The following KDM4C variants were observed in gnomAD, a reference collection of about 807,000 sequenced individuals.
KDM4C encodes lysine demethylase 4C.
KDM4C carries 81 observed loss-of-function variants against 129.3 expected under a neutral mutation model. That is an observed-to-expected ratio of 0.63 (90% CI 0.52 to 0.75). The LOEUF is 0.75. Ranked by LOEUF, KDM4C falls within the 30% of genes least tolerant of loss-of-function variation. KDM4C has a pLI of 0.00. For missense variants in KDM4C, 1,457 were observed against 1,304.0 expected, an observed-to-expected ratio of 1.12 and a Z score of -1.81; for synonymous variants, 573 against 456.1, an observed-to-expected ratio of 1.26 and a Z score of -3.26.
chr9:7,105,547 A>C, intron 18 of KDM4C: 1 of 461,764 alleles, frequency 2.2e-6, no homozygotes, highest in Non-Finnish European at 4.5e-6. Context: ...CTAAGTTCAG[A>C]GAGGTTTAAT....
intron 8 of KDM4C, among the ~76,000 whole-genome samples, chr9:6,938,605 C>T (rs1825248643): frequency 6.6e-6 from 1 of 152,200 alleles, no homozygotes; most frequent in Non-Finnish European, 1.5e-5. Context: ...TCTTTTCATT[C>T]TCCCTGATTT....
At chr9:6,889,259 G>GTGTGTGTGA (rs1352259041) in intron 7 of KDM4C, among the ~76,000 whole-genome samples, 1 of 148,518 alleles carries the variant, frequency 6.7e-6, no homozygotes, top group African/African-American at 2.5e-5. Context: ...GTGGGAGGGT[G>GTGTGTGTGA]GGGGGGATTT....
intron 4 of KDM4C, among the ~76,000 whole-genome samples, chr9:6,848,964 G>C (rs1002744921): frequency 2.0e-5 from 3 of 152,176 alleles, no homozygotes; most frequent in African/African-American, 7.2e-5. Flanking sequence ...TAATTAGAGT[G>C]GAACTTTAAG....
chr9:6,844,986 C>T (rs551657035), intron 4 of KDM4C, among the ~76,000 whole-genome samples: 1 of 152,292 alleles, frequency 6.6e-6, no homozygotes, highest in African/African-American at 2.4e-5. Flanking sequence ...CTGCGCCCAG[C>T]CTAGGACCCA....
At chr9:6,909,731 A>G (rs1307302244) in intron 8 of KDM4C, among the ~76,000 whole-genome samples, 1 of 152,208 alleles carries the variant, frequency 6.6e-6, no homozygotes, top group Non-Finnish European at 1.5e-5. Context: ...ATTTTAGAGT[A>G]TATTTGACAG....
At chr9:6,949,356 C>T (rs1466105670) in intron 8 of KDM4C, among the ~76,000 whole-genome samples, 1 of 151,420 alleles carries the variant, frequency 6.6e-6, no homozygotes, top group Admixed American at 6.6e-5. Context: ...GCGCTCCTCA[C>T]TTCCCAGACT....
At chr9:6,807,454 C>G (rs1292169822) in intron 3 of KDM4C, among the ~76,000 whole-genome samples, 4 of 145,412 alleles carry the variant, frequency 2.8e-5, no homozygotes, top group African/African-American at 1.0e-4. Flanking sequence ...TCTTCCCAGC[C>G]GCCATCACAT....
chr9:6,913,696 TG>T (rs1332592289), intron 8 of KDM4C, among the ~76,000 whole-genome samples: 1 of 152,166 alleles, frequency 6.6e-6, no homozygotes, highest in Non-Finnish European at 1.5e-5. Context: ...AGCTAGCACA[TG>T]GGAAAAATTG....
intron 8 of KDM4C, among the ~76,000 whole-genome samples, chr9:6,968,695 C>G (rs146353402): frequency 4.6e-5 from 7 of 152,110 alleles, no homozygotes; most frequent in Non-Finnish European, 1.0e-4. Context: ...AGTTCAATGC[C>G]AGTTACTTAA....
intron 8 of KDM4C, among the ~76,000 whole-genome samples, chr9:6,916,527 T>C (rs1820348987): frequency 6.6e-6 from 1 of 152,186 alleles, no homozygotes. Context: ...CCCAAAGTGC[T>C]GGGATTATAG....
intron 8 of KDM4C, chr9:6,948,206 T>C (rs1337356696): frequency 6.6e-6 from 1 of 152,230 alleles, no homozygotes; most frequent in East Asian, 1.9e-4. Flanking sequence ...TTAAAGAACA[T>C]TAACTGTTTT....
chr9:6,763,889 C>G (rs760750665), intron 1 of KDM4C, among the ~76,000 whole-genome samples: 10 of 152,154 alleles, frequency 6.6e-5, no homozygotes, highest in Non-Finnish European at 1.5e-4. Context: ...TCCTGAGTAG[C>G]TGGGCTTACA....
At chr9:6,830,576 A>G (rs1156353608) in intron 4 of KDM4C, among the ~76,000 whole-genome samples, 2 of 152,220 alleles carry the variant, frequency 1.3e-5, no homozygotes, top group African/African-American at 4.8e-5. Context: ...AGATTTATAT[A>G]TTTGATATTT....
At chr9:6,790,875 T>C (rs1189466973) in intron 1 of KDM4C, among the ~76,000 whole-genome samples, 1 of 152,098 alleles carries the variant, frequency 6.6e-6, no homozygotes, top group Non-Finnish European at 1.5e-5. Flanking sequence ...TCATCCTGTT[T>C]ATTGACAGCG....
intron 8 of KDM4C, among the ~76,000 whole-genome samples, chr9:6,919,638 C>T (rs969698613): frequency 1.3e-5 from 2 of 151,556 alleles, no homozygotes; most frequent in Non-Finnish European, 2.9e-5. Context: ...TGCAATGGCG[C>T]GATCTTGGCT....
At chr9:7,128,018 TC>T in intron 18 of KDM4C, 47 bp from the exon 19 acceptor site, 1 of 1,319,922 alleles carries the variant, frequency 7.6e-7, no homozygotes, top group Non-Finnish European at 9.9e-7. Flanking sequence ...TCCTTTCTTT[TC>T]CTGTTCTCTT....
chr9:6,857,213 G>A (rs1840019174), intron 5 of KDM4C, among the ~76,000 whole-genome samples: 1 of 152,098 alleles, frequency 6.6e-6, no homozygotes, highest in African/African-American at 2.4e-5. Flanking sequence ...CAGAAGGATT[G>A]CTCAAGCCCA....
intron 16 of KDM4C, among the ~76,000 whole-genome samples, chr9:7,048,248 T>C (rs1829687857): frequency 6.6e-6 from 1 of 152,058 alleles, no homozygotes; most frequent in Non-Finnish European, 1.5e-5. Flanking sequence ...GGAATGATAG[T>C]ATTTATTTCG....
intron 15 of KDM4C, among the ~76,000 whole-genome samples, chr9:7,019,374 A>G (rs1464691851): frequency 1.3e-5 from 2 of 152,138 alleles, no homozygotes. Flanking sequence ...TGGAAATCAA[A>G]TAGTGCAGCT....
Sources: allele counts gnomAD v4.1 joint callset (sites outside exome capture counted in the v4.1 genomes callset), GRCh38; gene constraint gnomAD v4.1.1; transcripts MANE v1.5; gene names NCBI Gene and HGNC (gene_info 2026-07-23, HGNC 2026-07-21).